KCNAB1: variants seen among roughly 807,000 people sequenced by gnomAD.
KCNAB1 encodes voltage-gated potassium channel subunit beta-1.
KCNAB1 carries 35 observed loss-of-function variants against 64.6 expected under a neutral mutation model. That is an observed-to-expected ratio of 0.54 (90% CI 0.41 to 0.72). KCNAB1 has a LOEUF of 0.72. KCNAB1 is among the 30% of genes least tolerant of loss of function. KCNAB1 has a pLI of 0.00. For synonymous variants in KCNAB1, 177 were observed against 183.8 expected (o/e 0.96, Z 0.30); for missense variants, 401 against 512.9 (o/e 0.78, Z 2.11).
chr3:156,440,297 T>C (rs1716901946), intron 2 of KCNAB1, among the ~76,000 whole-genome samples: 1 of 152,256 alleles, frequency 6.6e-6, no homozygotes, highest in Non-Finnish European at 1.5e-5. Flanking sequence ...TAACTTTGCA[T>C]ACAGCTTGTT....
chr3:156,486,965 A>G (rs1453484102), intron 8 of KCNAB1, among the ~76,000 whole-genome samples: 3 of 152,164 alleles, frequency 2.0e-5, no homozygotes, highest in African/African-American at 7.2e-5. Context: ...TACTTGCTCT[A>G]CTGAATGTTA....
chr3:156,512,491 AG>A (rs1389809112), intron 8 of KCNAB1, among the ~76,000 whole-genome samples: 1 of 152,232 alleles, frequency 6.6e-6, no homozygotes, highest in Non-Finnish European at 1.5e-5. Context: ...CAGTATCTCC[AG>A]CACCCAGAAC....
intron 1 of KCNAB1, chr3:156,290,839 T>C (rs951833941): frequency 2.3e-6 from 1 of 441,678 alleles, no homozygotes; most frequent in Non-Finnish European, 3.0e-6. Context: ...GCAGAGTTGA[T>C]TCCAAAAAGT....
chr3:156,380,646 G>A (rs1712081601), intron 1 of KCNAB1, among the ~76,000 whole-genome samples: 1 of 152,166 alleles, frequency 6.6e-6, no homozygotes, highest in African/African-American at 2.4e-5. Flanking sequence ...TGGTGAGGTT[G>A]GGAATGAGGT....
At chr3:156,416,707 G>A (rs759114463) in intron 1 of KCNAB1, among the ~76,000 whole-genome samples, 4 of 152,224 alleles carry the variant, frequency 2.6e-5, no homozygotes, top group East Asian at 1.9e-4. Flanking sequence ...AGCCTAGTCT[G>A]AGGCCTGGTA....
intron 1 of KCNAB1, among the ~76,000 whole-genome samples, chr3:156,409,714 C>T (rs762019569): frequency 8.5e-5 from 13 of 152,280 alleles, no homozygotes; most frequent in South Asian, 2.1e-4. Context: ...CAATGCCTGG[C>T]GCTCTAGTTA....
intron 1 of KCNAB1, among the ~76,000 whole-genome samples, chr3:156,189,761 A>G (rs1713439823): frequency 6.6e-6 from 1 of 152,222 alleles, no homozygotes; most frequent in Non-Finnish European, 1.5e-5. Context: ...GACACAGGTT[A>G]GGAAACATCT....
At chr3:156,143,176 A>C in intron 1 of KCNAB1, 1 of 1,579,842 alleles carries the variant, frequency 6.3e-7, no homozygotes, top group Non-Finnish European at 8.6e-7. Context: ...GGGTTTTTGA[A>C]ACATGCATCT....
rs141631803 is a variant in KCNAB1, at chr3:156,152,688, G to A, written c.275+31802G>A. Among the ~76,000 whole-genome samples, 17 of 152,312 alleles carry A rather than the reference G, an allele frequency of 1.1e-4. No homozygotes were observed. The East Asian group carries it at 1.9e-3, about 17-fold the overall frequency. ...AGCTCATTAAGTATCCAAGCTCTCC[G>A]TTTAGCATTTGAAGGGTTTGTAACA... is the stretch of plus-strand genomic sequence containing the variant. On this transcript the variant is annotated intron_variant, in intron 1 of 13. Transcript: ENST00000490337.
At chr3:156,294,426 C>T (rs555334185) in intron 1 of KCNAB1, among the ~76,000 whole-genome samples, 1 of 152,176 alleles carries the variant, frequency 6.6e-6, no homozygotes, top group South Asian at 2.1e-4. Flanking sequence ...CTCTGAGTGA[C>T]CTTTATGAAG....
chr3:156,308,902 A>G (rs1419522406), intron 1 of KCNAB1, among the ~76,000 whole-genome samples: 1 of 152,236 alleles, frequency 6.6e-6, no homozygotes, highest in Non-Finnish European at 1.5e-5. Flanking sequence ...TAGGAAATAT[A>G]TAATATAAAA....
intron 1 of KCNAB1, among the ~76,000 whole-genome samples, chr3:156,346,386 ATATG>A (rs914787930): frequency 2.0e-5 from 3 of 152,194 alleles, no homozygotes; most frequent in Admixed American, 6.5e-5. Flanking sequence ...GTATTGATGA[ATATG>A]TGGTCTATGA....
At chr3:156,207,477 C>T (rs1315494628) in intron 1 of KCNAB1, among the ~76,000 whole-genome samples, 2 of 152,206 alleles carry the variant, frequency 1.3e-5, no homozygotes, top group East Asian at 1.9e-4. Flanking sequence ...AATTCTTCTA[C>T]ACCTTTGCAA....
intron 1 of KCNAB1, among the ~76,000 whole-genome samples, chr3:156,152,277 G>A (rs545519075): frequency 6.6e-6 from 1 of 152,332 alleles, no homozygotes; most frequent in Admixed American, 6.5e-5. Flanking sequence ...GGCGTTAAGA[G>A]GGGTAAGGCC....
At chr3:156,482,224 C>T (rs1017282315) in intron 8 of KCNAB1, among the ~76,000 whole-genome samples, 3 of 151,336 alleles carry the variant, frequency 2.0e-5, no homozygotes. Context: ...GAAAGGTGAT[C>T]TTGTGCCTGT....
At chr3:156,298,628 T>C (rs1720950532) in intron 1 of KCNAB1, among the ~76,000 whole-genome samples, 2 of 152,208 alleles carry the variant, frequency 1.3e-5, no homozygotes, top group South Asian at 4.1e-4. Flanking sequence ...TTATGAACAG[T>C]ATGAGATTTG....
intron 1 of KCNAB1, among the ~76,000 whole-genome samples, chr3:156,341,607 G>A (rs1045932255): frequency 1.8e-4 from 27 of 152,098 alleles, no homozygotes; most frequent in Admixed American, 1.5e-3. Context: ...GCTACAGAGT[G>A]CTGCATCCAG....
At chr3:156,253,224 G>A (rs1204078597) in intron 1 of KCNAB1, among the ~76,000 whole-genome samples, 1 of 152,310 alleles carries the variant, frequency 6.6e-6, no homozygotes, top group East Asian at 1.9e-4. Flanking sequence ...TTTAAGAGTA[G>A]CAGTTGTTTT....
intron 7 of KCNAB1, among the ~76,000 whole-genome samples, chr3:156,466,814 C>A (rs559930488): frequency 6.6e-6 from 1 of 151,972 alleles, no homozygotes; most frequent in South Asian, 2.1e-4. Flanking sequence ...TCTACTTAAT[C>A]GTGAAGATTG....
Sources: gnomAD v4.1 joint callset for allele counts (sites outside exome capture counted in the v4.1 genomes callset) on GRCh38, gnomAD v4.1.1 for gene constraint, MANE v1.5 for transcripts, NCBI Gene and HGNC (gene_info 2026-07-23, HGNC 2026-07-21) for gene names.